BRSK2: variants seen among roughly 807,000 people sequenced by gnomAD.
BRSK2 encodes BR serine/threonine kinase 2.
BRSK2 carries 19 observed loss-of-function variants against 83.3 expected under a neutral mutation model. The observed-to-expected ratio is 0.23, with a 90% confidence interval of 0.16 to 0.33. The LOEUF is 0.33. Among genes scored for constraint, BRSK2 ranks in the 10% least tolerant of loss-of-function variants. The pLI, the probability that BRSK2 is intolerant of heterozygous loss-of-function variation, is 1.00. For missense variants in BRSK2, 798 were observed against 1,042.3 expected (o/e 0.77, Z 3.23); for synonymous variants, 519 against 435.4 (o/e 1.19, Z -2.39).
intron 12 of BRSK2, among the ~76,000 whole-genome samples, chr11:1,448,955 C>T (rs914908357): frequency 2.6e-4 from 39 of 152,302 alleles, no homozygotes; most frequent in Middle Eastern, 3.4e-3. Context: ...TAGTGCAGGC[C>T]GGGCTTTTAC....
In BRSK2 at chr11:1,454,490, C is replaced by T. The variant is rs1216637755; in HGVS notation, c.1550C>T (p.Ala517Val). The change falls in exon 16 of 20, where the codon GCG (alanine) becomes GTG (valine). Residue 517 changes from alanine (A) to valine (V), a missense_variant. Physicochemically the swap from Ala to Val is moderately conservative, Grantham distance 64. Transcript: ENST00000528841. The surrounding 1 kb of genome is among the most constrained non-coding windows in gnomAD (Gnocchi z 5.2). Reference protein sequence around the residue: ...NLTPESSPELAKKSWFGNFIS... With the variant: ...NLTPESSPELVKKSWFGNFIS... ...CTCTGTCTCCCACTGCCCAGGCTGG[C>T]GAAGAAGTCCTGGTTTGGGAACTTC... The T allele has an allele frequency of 1.2e-6, 2 of 1,612,778 alleles. No individual in the cohort carries two copies. Among genetic ancestry groups the T allele is most frequent in the Non-Finnish European group, 8.5e-7 (1 of 1,179,846 alleles).
rs539580507 is a variant in BRSK2, at chr11:1,403,687, C to T, written c.91+13312C>T. 2.5e-3 allele frequency among the ~76,000 whole-genome samples: 385 copies of T among 152,288 alleles called. 2 individuals are homozygous for T. The highest frequency in any genetic ancestry group is 9.1e-3 in the African/African-American group (379 of 41,564). ...AGGTCCCTCACCTGCTGGTGACAGT[C>T]CTGTTGTGGCACCTGGTGCACTGAT... On this transcript the variant is annotated intron_variant, in intron 1 of 19. Coordinates refer to ENST00000528841, the MANE Select transcript of BRSK2 (RefSeq NM_001256627.2).
intron 12 of BRSK2, among the ~76,000 whole-genome samples, chr11:1,448,976 C>T (rs1845467313): frequency 6.6e-6 from 1 of 152,248 alleles, no homozygotes; most frequent in Non-Finnish European, 1.5e-5. Flanking sequence ...TCTTCTCTGT[C>T]CTCTTCTCTT....
chr11:1,428,604 G>C (rs1209796128), intron 1 of BRSK2, among the ~76,000 whole-genome samples: 1 of 152,198 alleles, frequency 6.6e-6, no homozygotes, highest in Admixed American at 6.5e-5. Flanking sequence ...GTTGGCCCAG[G>C]TGGTTGTCAG....
At chr11:1,427,320 C>G (rs1266270353) in intron 1 of BRSK2, among the ~76,000 whole-genome samples, 1 of 152,208 alleles carries the variant, frequency 6.6e-6, no homozygotes, top group Non-Finnish European at 1.5e-5. Context: ...GAGAAGGCCC[C>G]TCACTTCTTG....
intron 1 of BRSK2, chr11:1,410,490 G>A (rs1590355978): frequency 3.0e-6 from 3 of 985,442 alleles, no homozygotes; most frequent in Non-Finnish European, 3.6e-6. Flanking sequence ...TGCTGTGTGC[G>A]ATGGGTGCTG....
intron 1 of BRSK2, among the ~76,000 whole-genome samples, chr11:1,400,425 C>T (rs1846398628): frequency 1.3e-5 from 2 of 152,196 alleles, no homozygotes; most frequent in African/African-American, 2.4e-5. Context: ...ACCCCTGACC[C>T]TGGGCGGTGG....
At chr11:1,427,096 C>A (rs1224359590) in intron 1 of BRSK2, among the ~76,000 whole-genome samples, 1 of 152,178 alleles carries the variant, frequency 6.6e-6, no homozygotes, top group African/African-American at 2.4e-5. Context: ...CCTAGGCTGG[C>A]TTGGCTCCTG....
intron 1 of BRSK2, among the ~76,000 whole-genome samples, chr11:1,427,641 G>C (rs1488355584): frequency 1.3e-5 from 2 of 152,238 alleles, no homozygotes; most frequent in Non-Finnish European, 2.9e-5. Context: ...TGCCCCCTCA[G>C]GGCCCTGGGC....
At chr11:1,447,755 G>T (rs764720521) in intron 12 of BRSK2, 1 of 1,575,300 alleles carries the variant, frequency 6.3e-7, no homozygotes, top group Non-Finnish European at 8.6e-7. Context: ...GTGCCCGCGT[G>T]TGGCCGTCAG....
chr11:1,418,732 G>A (rs1848358026), intron 1 of BRSK2, among the ~76,000 whole-genome samples: 2 of 152,254 alleles, frequency 1.3e-5, no homozygotes, highest in Non-Finnish European at 2.9e-5. Context: ...TTTATTTAGA[G>A]CAGCAGTTCA....
intron 2 of BRSK2, among the ~76,000 whole-genome samples, chr11:1,436,541 G>A (rs928527556): frequency 3.3e-5 from 5 of 152,134 alleles, no homozygotes; most frequent in African/African-American, 1.2e-4. Flanking sequence ...TTCCACTGGG[G>A]CCTGGCCTCC....
At chr11:1,457,004 C>T in intron 18 of BRSK2, 1 of 1,596,622 alleles carries the variant, frequency 6.3e-7, no homozygotes, top group Non-Finnish European at 8.5e-7. Context: ...GGCTTAAGGG[C>T]CAGAAGGTGG....
At chr11:1,417,186 T>A (rs1377238048) in intron 1 of BRSK2, among the ~76,000 whole-genome samples, 4 of 152,062 alleles carry the variant, frequency 2.6e-5, no homozygotes, top group Non-Finnish European at 2.9e-5. Flanking sequence ...AAATGCGCCC[T>A]TTTCCCTATT....
At chr11:1,458,530 GCA>G (rs1846945754) in intron 18 of BRSK2, among the ~76,000 whole-genome samples, 1 of 152,190 alleles carries the variant, frequency 6.6e-6, no homozygotes, top group Non-Finnish European at 1.5e-5. Flanking sequence ...TGGCTAGCCA[GCA>G]GGGGGCCTCC....
At chr11:1,457,990 C>G (rs1221792395) in intron 18 of BRSK2, among the ~76,000 whole-genome samples, 1 of 152,210 alleles carries the variant, frequency 6.6e-6, no homozygotes, top group African/African-American at 2.4e-5. Context: ...TGGCGCTTCC[C>G]TACAGCGGAG....
intron 12 of BRSK2, among the ~76,000 whole-genome samples, chr11:1,448,120 G>C (rs899538406): frequency 6.6e-6 from 1 of 152,208 alleles, no homozygotes; most frequent in African/African-American, 2.4e-5. Flanking sequence ...GCTAGAGCCC[G>C]GCGTGGCTGC....
intron 1 of BRSK2, among the ~76,000 whole-genome samples, chr11:1,425,510 G>A (rs948258981): frequency 2.0e-5 from 3 of 152,186 alleles, no homozygotes; most frequent in Non-Finnish European, 4.4e-5. Context: ...CCTGGTCTCT[G>A]GGAGCCGCCT....
rs575072549 is a variant in BRSK2 at position 1,406,869 on chromosome 11, C to T, written c.91+16494C>T. On this transcript the variant is annotated intron_variant, in intron 1 of 19. Coordinates refer to ENST00000528841, the MANE Select transcript of BRSK2 (RefSeq NM_001256627.2). ...ACGCATGTGTGTGCATGTCCATGTG[C>T]AGGTTTGTGTGCGCCTGCATATCTG... 2.0e-5 allele frequency among the ~76,000 whole-genome samples: 3 copies of T among 152,306 alleles called. No individual in the cohort carries two copies. In the South Asian group the frequency reaches 6.2e-4, roughly 32 times the overall value.
Sources: gnomAD v4.1 joint callset for allele counts (sites outside exome capture counted in the v4.1 genomes callset) on GRCh38, gnomAD v4.1.1 for gene constraint, Gnocchi (gnomAD v3.1) non-coding constraint, MANE v1.5 for transcripts, NCBI Gene and HGNC (gene_info 2026-07-23, HGNC 2026-07-21) for gene names.